The following PAH variants were observed in gnomAD, a reference collection of about 807,000 sequenced individuals.
PAH encodes phenylalanine hydroxylase.
A neutral mutation model predicts 62.0 loss-of-function variants in PAH; 64 were observed. The ratio of observed to expected loss-of-function variants is 1.03; its 90% CI spans 0.84 to 1.27. The LOEUF (loss-of-function observed/expected upper bound fraction) is 1.27, where lower values mean the gene tolerates loss of function less well. PAH is among the 50% of genes most tolerant of loss of function. PAH has a pLI of 0.00. For synonymous variants in PAH, 195 were observed against 196.2 expected (o/e 0.99, Z 0.05); for missense variants, 579 against 542.8 (o/e 1.07, Z -0.66).
At chr12:102,909,025 A>G (rs1878097203) in intron 2 of PAH, among the ~76,000 whole-genome samples, 1 of 151,658 alleles carries the variant, frequency 6.6e-6, no homozygotes, top group Non-Finnish European at 1.5e-5. Context: ...ACCGGGTTTC[A>G]CCATGTTGGC....
chr12:102,877,279 A>G lies in PAH; in HGVS notation c.441+183T>C, dbSNP rs1370038777. ...ATTTGCTCCTACAAAAATAATGACC[A>G]TGATAATGATGATGACAATAAAGTC... On this transcript the variant is annotated intron_variant, in intron 4 of 12. Coordinates refer to ENST00000553106, the MANE Select transcript of PAH (RefSeq NM_000277.3). 7 of 655,250 alleles carry G rather than the reference A, an allele frequency of 1.1e-5. No individual in the cohort carries two copies. In the East Asian group the frequency reaches 1.9e-4, roughly 18 times the overall value. 40.6% of individuals were successfully genotyped at this position (655,250 alleles called of 1,614,324 possible). A position where few individuals can be genotyped will look rare whatever the true frequency, so the allele number is the denominator to read the frequency against.
chr12:102,905,170 T>C (rs1877927738), intron 2 of PAH, among the ~76,000 whole-genome samples: 1 of 152,224 alleles, frequency 6.6e-6, no homozygotes. Context: ...ATCTGGGATT[T>C]AGATGCCCAA....
At chr12:102,892,470 C>CA (rs1367368717) in intron 3 of PAH, among the ~76,000 whole-genome samples, 1 of 152,222 alleles carries the variant, frequency 6.6e-6, no homozygotes, top group Admixed American at 6.5e-5. Flanking sequence ...TATCTTCACA[C>CA]AAAAAAACTG....
upstream of PAH, among the ~76,000 whole-genome samples, chr12:102,952,751 T>G (rs1221334272): frequency 6.6e-6 from 1 of 152,246 alleles, no homozygotes; most frequent in Non-Finnish European, 1.5e-5. Context: ...GTGCTTTTTT[T>G]GTTTTGTTTT....
chr12:102,953,733 T>C (rs7973625), upstream of PAH: 14,630 of 152,286 alleles, frequency 0.096, 747 homozygotes, highest in African/African-American at 0.11. Flanking sequence ...GAAGCCTTCT[T>C]ATCTTTCTGC....
In PAH at chr12:102,837,663, T is replaced by C. The variant is rs1874419889; in HGVS notation, c.*1512A>G. 2 of 152,204 alleles carry C rather than the reference T, an allele frequency of 1.3e-5. No homozygotes were observed. Among genetic ancestry groups the C allele is most frequent in the Admixed American group, 1.3e-4 (2 of 15,268 alleles). The allele number at this position is 152,204 out of a possible 1,614,324, so 9.4% of individuals were successfully genotyped here. On this transcript the variant is annotated 3_prime_UTR_variant, in exon 13 of 13. Coordinates refer to ENST00000553106, the MANE Select transcript of PAH (RefSeq NM_000277.3). ...AGGCATAGCTATATAAAGACACATA[T>C]GAACACTTGAATCATATTTCAAGGC...
At chr12:102,864,744 T>A (rs1875875184) in intron 5 of PAH, among the ~76,000 whole-genome samples, 1 of 149,844 alleles carries the variant, frequency 6.7e-6, no homozygotes, top group Non-Finnish European at 1.5e-5. Flanking sequence ...GTACAGTGAG[T>A]ATCGATTTTG....
At chr12:102,943,296 C>T (rs1879360873) in intron 1 of PAH, among the ~76,000 whole-genome samples, 1 of 152,082 alleles carries the variant, frequency 6.6e-6, no homozygotes, top group Admixed American at 6.6e-5. Context: ...GACATACACA[C>T]ACCCAACAAG....
At chr12:102,882,171 C>T (rs1228853589) in intron 3 of PAH, among the ~76,000 whole-genome samples, 1 of 152,148 alleles carries the variant, frequency 6.6e-6, no homozygotes, top group East Asian at 1.9e-4. Context: ...ACTATGAAAT[C>T]CTCTGCCTCT....
At chr12:102,902,306 G>A (rs905675632) in intron 2 of PAH, among the ~76,000 whole-genome samples, 12 of 152,190 alleles carry the variant, frequency 7.9e-5, no homozygotes, top group African/African-American at 2.4e-4. Context: ...AATAGATCAT[G>A]GAAGGCCATT....
chr12:102,912,754 C>A, intron 2 of PAH, 37 bp downstream of exon 2: 1 of 1,371,638 alleles, frequency 7.3e-7, no homozygotes, highest in African/African-American at 1.4e-5. Flanking sequence ...AAGTTTGCTA[C>A]GACATTATCC....
At chr12:102,950,017 T>A (rs1233448739) in intron 1 of PAH, 4 of 152,242 alleles carry the variant, frequency 2.6e-5, no homozygotes, top group Admixed American at 2.6e-4. Flanking sequence ...TTTTCTAACA[T>A]CTTAGATGAT....
At position 102,838,927 on chromosome 12, in the gene PAH, T is replaced by C; in HGVS notation, c.*248A>G. On this transcript the variant is annotated 3_prime_UTR_variant, in exon 13 of 13. Coordinates refer to ENST00000553106, the MANE Select transcript of PAH (RefSeq NM_000277.3). Reference sequence around the variant, plus strand: ...CGACAGATTACTGATTTAACTCAATTGAGAGTATGGGATTATCATCTCTAA... The same window carrying C: ...CGACAGATTACTGATTTAACTCAATCGAGAGTATGGGATTATCATCTCTAA... The C allele has an allele frequency of 1.8e-6, 1 of 545,512 alleles. No individual in the cohort carries two copies. Among genetic ancestry groups the C allele is most frequent in the Middle Eastern group, 5.0e-4 (1 of 1,990 alleles). The allele number at this position is 545,512 out of a possible 1,614,324, so 33.8% of individuals were successfully genotyped here.
intron 1 of PAH, among the ~76,000 whole-genome samples, chr12:102,929,714 C>T (rs189049764): frequency 7.9e-5 from 12 of 152,058 alleles, no homozygotes; most frequent in African/African-American, 2.4e-4. Flanking sequence ...GGCCATGATG[C>T]CTTGGACTAA....
At chr12:102,897,698 T>C (rs1214890817) in intron 2 of PAH, among the ~76,000 whole-genome samples, 1 of 152,158 alleles carries the variant, frequency 6.6e-6, no homozygotes, top group Non-Finnish European at 1.5e-5. Context: ...GTTTGCTTGA[T>C]GTCTCAAATG....
chr12:102,936,380 A>G (rs1879098876), intron 1 of PAH, among the ~76,000 whole-genome samples: 2 of 152,180 alleles, frequency 1.3e-5, no homozygotes, highest in Admixed American at 6.5e-5. Context: ...AATGTTCTGT[A>G]AATATCTATT....
chr12:102,871,969 TATATATATATATA>T (rs1442080309), intron 4 of PAH, among the ~76,000 whole-genome samples: 33 of 138,354 alleles, frequency 2.4e-4, no homozygotes, highest in African/African-American at 8.4e-4. Flanking sequence ...TATATATATA[TATATATATATATA>T]TATTTGCAAA....
chr12:102,854,749 A>G lies in PAH; in HGVS notation c.706+387T>C, dbSNP rs1287050370. 11 of 310,960 alleles carry G rather than the reference A, an allele frequency of 3.5e-5. No homozygotes were observed. The highest frequency in any genetic ancestry group is 6.2e-5 in the Non-Finnish European group (10 of 161,662). The allele number at this position is 310,960 out of a possible 1,614,324, so 19.3% of individuals were successfully genotyped here. On this transcript the variant is annotated intron_variant, in intron 6 of 12. Transcript: ENST00000553106. Reference sequence around the variant, plus strand: ...CAGGGCTCTTGGCACCATCCCCGAAAATAGCACATTTCTTACACAAACACA... The same window carrying G: ...CAGGGCTCTTGGCACCATCCCCGAAGATAGCACATTTCTTACACAAACACA...
intron 1 of PAH, 136 bp from the exon 2 acceptor site, chr12:102,913,034 T>A: frequency 1.5e-6 from 1 of 669,530 alleles, no homozygotes; most frequent in Non-Finnish European, 2.7e-6. Flanking sequence ...ATATATATTC[T>A]ATACAGAAAT....
Sources: gnomAD v4.1 joint callset for allele counts (sites outside exome capture counted in the v4.1 genomes callset) on GRCh38, gnomAD v4.1.1 for gene constraint, MANE v1.5 for transcripts, NCBI Gene and HGNC (gene_info 2026-07-23, HGNC 2026-07-21) for gene names.